Variants in ADAMTSL1 observed in about 807,000 individuals in gnomAD.
The protein encoded by ADAMTSL1 is ADAMTS like 1.
Under a neutral mutation model 201.8 loss-of-function variants are expected in ADAMTSL1, and 126 were observed. The ratio of observed to expected loss-of-function variants is 0.62; its 90% CI spans 0.54 to 0.72. The LOEUF is 0.72. Ranked by LOEUF, ADAMTSL1 falls within the 30% of genes least tolerant of loss-of-function variation. The pLI, the probability that ADAMTSL1 is intolerant of heterozygous loss-of-function variation, is 0.00. For synonymous variants in ADAMTSL1, 1,121 were observed against 903.4 expected (o/e 1.24, Z -4.32); for missense variants, 2,679 against 2,277.8 (o/e 1.18, Z -3.59).
At chr9:18,593,447 G>C (rs1391181792) in intron 4 of ADAMTSL1, among the ~76,000 whole-genome samples, 1 of 151,514 alleles carries the variant, frequency 6.6e-6, no homozygotes, top group Non-Finnish European at 1.5e-5. Flanking sequence ...CTACTAATTT[G>C]TGTTTGGTTT....
chr9:18,741,516 T>C (rs1818824339), intron 15 of ADAMTSL1, among the ~76,000 whole-genome samples: 1 of 152,222 alleles, frequency 6.6e-6, no homozygotes, highest in African/African-American at 2.4e-5. Context: ...CTATTTGCAA[T>C]GTAAATAGAT....
intron 11 of ADAMTSL1, 109 bp from the exon 12 acceptor site, chr9:18,681,703 G>GA (rs1355056601): frequency 2.8e-6 from 2 of 710,206 alleles, no homozygotes; most frequent in South Asian, 6.4e-5. Context: ...CGTGTGGGGG[G>GA]GGGGGGCGGG....
chr9:18,784,829 G>A (rs1021578698), intron 19 of ADAMTSL1, among the ~76,000 whole-genome samples: 10 of 152,292 alleles, frequency 6.6e-5, no homozygotes, highest in Non-Finnish European at 1.0e-4. Flanking sequence ...GTTGAAGCAC[G>A]GAGATGTTAG....
At chr9:18,346,916 T>C (rs962488287) in intron 2 of ADAMTSL1, among the ~76,000 whole-genome samples, 1 of 152,094 alleles carries the variant, frequency 6.6e-6, no homozygotes, top group Non-Finnish European at 1.5e-5. Flanking sequence ...CAGCACATTC[T>C]CCTCCTTCCA....
intron 23 of ADAMTSL1, among the ~76,000 whole-genome samples, chr9:18,831,828 T>A (rs760333530): frequency 3.3e-5 from 5 of 152,098 alleles, no homozygotes; most frequent in Non-Finnish European, 5.9e-5. Flanking sequence ...GAGACTCACA[T>A]GGAATTGTGG....
At chr9:18,148,424 A>G (rs1826754929) in intron 1 of ADAMTSL1, among the ~76,000 whole-genome samples, 3 of 151,890 alleles carry the variant, frequency 2.0e-5, no homozygotes, top group Admixed American at 2.0e-4. Flanking sequence ...AAAAGTCAAG[A>G]TCAGATACTA....
intron 2 of ADAMTSL1, among the ~76,000 whole-genome samples, chr9:18,336,002 T>A (rs1395134409): frequency 2.6e-5 from 4 of 152,282 alleles, no homozygotes; most frequent in South Asian, 2.1e-4. Flanking sequence ...TGGCATTGAA[T>A]CAAGTCTCTT....
intron 15 of ADAMTSL1, among the ~76,000 whole-genome samples, chr9:18,732,628 G>A (rs1046503713): frequency 2.0e-5 from 3 of 152,154 alleles, no homozygotes; most frequent in Non-Finnish European, 4.4e-5. Context: ...ATCAGGAAGC[G>A]TCGATGAATT....
chr9:18,196,978 CTCTA>C (rs1358160262), intron 2 of ADAMTSL1, among the ~76,000 whole-genome samples: 1 of 152,112 alleles, frequency 6.6e-6, no homozygotes, highest in African/African-American at 2.4e-5. Flanking sequence ...CATGCTAATT[CTCTA>C]TCTTTGTCTC....
chr9:18,083,929 T>C (rs1823627801), intron 1 of ADAMTSL1, among the ~76,000 whole-genome samples: 1 of 152,168 alleles, frequency 6.6e-6, no homozygotes, highest in African/African-American at 2.4e-5. Context: ...AATACGGTGG[T>C]CTTGCATTCT....
intron 19 of ADAMTSL1, among the ~76,000 whole-genome samples, chr9:18,789,056 C>A (rs752344098): frequency 2.6e-5 from 4 of 152,206 alleles, no homozygotes; most frequent in Admixed American, 2.0e-4. Flanking sequence ...CCATGCACAG[C>A]AAACCCTTTG....
intron 1 of ADAMTSL1, among the ~76,000 whole-genome samples, chr9:17,938,436 T>G (rs1827099707): frequency 6.6e-6 from 1 of 152,136 alleles, no homozygotes; most frequent in African/African-American, 2.4e-5. Flanking sequence ...CCGGGCATCT[T>G]TACTGTCCAT....
At chr9:18,401,954 A>G (rs1349817818) in intron 2 of ADAMTSL1, among the ~76,000 whole-genome samples, 5 of 152,208 alleles carry the variant, frequency 3.3e-5, no homozygotes, top group Admixed American at 6.5e-5. Flanking sequence ...TGCATATATC[A>G]TATACATTTC....
At chr9:18,101,504 A>T (rs970045419) in intron 1 of ADAMTSL1, among the ~76,000 whole-genome samples, 2 of 152,040 alleles carry the variant, frequency 1.3e-5, no homozygotes, top group African/African-American at 2.4e-5. Context: ...TCTCAAAAAA[A>T]AAAAAAAGAA....
chr9:18,292,439 A>C (rs986810682), intron 2 of ADAMTSL1, among the ~76,000 whole-genome samples: 18 of 152,154 alleles, frequency 1.2e-4, no homozygotes, highest in African/African-American at 4.1e-4. Context: ...TTGAGCGTCA[A>C]CTTGATTGGA....
At chr9:18,706,324 T>C (rs1268804924) in intron 13 of ADAMTSL1, among the ~76,000 whole-genome samples, 1 of 152,216 alleles carries the variant, frequency 6.6e-6, no homozygotes, top group African/African-American at 2.4e-5. Context: ...CAGAGCTTGC[T>C]TTCATTGCCA....
chr9:18,031,668 G>A (rs951940920), intron 1 of ADAMTSL1, among the ~76,000 whole-genome samples: 2 of 152,188 alleles, frequency 1.3e-5, no homozygotes, highest in African/African-American at 4.8e-5. Context: ...CCATTCCAGG[G>A]CTTTGGTGGA....
At chr9:18,166,219 A>C (rs980199261) in intron 2 of ADAMTSL1, among the ~76,000 whole-genome samples, 1 of 151,900 alleles carries the variant, frequency 6.6e-6, no homozygotes, top group African/African-American at 2.4e-5. Flanking sequence ...ACCTCTGTTG[A>C]TTCTCAGGTC....
chr9:17,984,907 A>T (rs1818860825), intron 1 of ADAMTSL1, among the ~76,000 whole-genome samples: 1 of 152,134 alleles, frequency 6.6e-6, no homozygotes, highest in African/African-American at 2.4e-5. Context: ...TGTTACTTAA[A>T]TTTTCAAAAT....
Sources: allele counts gnomAD v4.1 joint callset (sites outside exome capture counted in the v4.1 genomes callset), GRCh38; gene constraint gnomAD v4.1.1; transcripts MANE v1.5; gene names NCBI Gene and HGNC (gene_info 2026-07-23, HGNC 2026-07-21).